Variants in PTPRT observed in about 807,000 individuals in gnomAD.
PTPRT encodes the protein protein tyrosine phosphatase receptor type T.
Under a neutral mutation model 176.8 loss-of-function variants are expected in PTPRT, and 56 were observed. The observed-to-expected ratio is 0.32, with a 90% CI of 0.26 to 0.40. PTPRT has a LOEUF of 0.40. PTPRT is among the 10% of genes least tolerant of loss of function. The probability of loss-of-function intolerance (pLI) is 1.00; values close to 1 mark genes in which losing one functional copy is unlikely to be tolerated. For missense variants in PTPRT, 1,540 were observed against 1,908.2 expected (o/e 0.81, Z 3.60); for synonymous variants, 783 against 739.0 (o/e 1.06, Z -0.96).
At chr20:43,130,071 A>C (rs2013597195) in intron 1 of PTPRT, among the ~76,000 whole-genome samples, 1 of 152,246 alleles carries the variant, frequency 6.6e-6, no homozygotes, top group Non-Finnish European at 1.5e-5. Flanking sequence ...TAAGAGCAGG[A>C]AGAAAAAAAG....
intron 1 of PTPRT, among the ~76,000 whole-genome samples, chr20:42,989,903 C>A (rs1983795832): frequency 1.3e-5 from 2 of 152,348 alleles, no homozygotes; most frequent in Non-Finnish European, 2.9e-5. Context: ...ACAGTCACAT[C>A]CCCTTGGGCT....
rs190806133 is a variant in PTPRT at position 42,854,867 on chromosome 20, A to C, written c.214+30940T>G. Among the ~76,000 whole-genome samples the C allele has an allele frequency of 3.9e-5, 6 of 152,336 alleles. No homozygotes were observed. In the East Asian group the frequency reaches 1.2e-3, roughly 29 times the overall value. On this transcript the variant is annotated intron_variant, in intron 2 of 30. Transcript: ENST00000373187. ...TTATACCAGCACCACCAACAGCAGA[A>C]GCATCTTCAATAAAATTAAGATCTC...
chr20:42,714,251 C>A (rs1018384229), intron 6 of PTPRT, among the ~76,000 whole-genome samples: 5 of 152,142 alleles, frequency 3.3e-5, no homozygotes, highest in Non-Finnish European at 7.3e-5. Context: ...AAAGGCAAGA[C>A]CACATTTTGG....
At chr20:42,527,692 G>T (rs1238871411) in intron 7 of PTPRT, among the ~76,000 whole-genome samples, 2 of 152,138 alleles carry the variant, frequency 1.3e-5, no homozygotes, top group Non-Finnish European at 2.9e-5. Flanking sequence ...AAATGTTGGA[G>T]GCTTTTCACA....
rs906493933 is a variant in PTPRT, at chr20:42,885,741, C to A, written c.214+66G>T. 136 of 1,549,112 alleles carry A rather than the reference C, an allele frequency of 8.8e-5. No individual in the cohort carries two copies. The Admixed American group carries it at 2.3e-3, about 26-fold the overall frequency. On this transcript the variant is annotated intron_variant, in intron 2 of 30. Coordinates refer to ENST00000373187, the MANE Select transcript of PTPRT (RefSeq NM_007050.6). ...GAGCTCAATGTGTAAGTAAGTTCTT[C>A]CCCCCATGATTCACGGTAAAAACTA...
the PTPRT span, among the ~76,000 whole-genome samples, chr20:42,035,654 T>C: frequency 6.6e-6 from 1 of 152,144 alleles, no homozygotes; most frequent in Non-Finnish European, 1.5e-5. Context: ...TAATTATGAT[T>C]GCCACTTTCC....
intron 1 of PTPRT, among the ~76,000 whole-genome samples, chr20:42,886,566 T>C (rs1179471736): frequency 6.6e-6 from 1 of 152,176 alleles, no homozygotes; most frequent in Non-Finnish European, 1.5e-5. Context: ...GAGAATCGAA[T>C]TGGTAAGAAA....
At chr20:42,840,498 C>T (rs140568458) in intron 2 of PTPRT, among the ~76,000 whole-genome samples, 10,080 of 152,056 alleles carry the variant, frequency 0.066, 364 homozygotes, top group East Asian at 0.1. Flanking sequence ...CTGCAACCTC[C>T]GCCTCCTGGG....
In PTPRT at chr20:42,646,882, C is replaced by CTTTTTTTTTTTTT. The variant is rs1161994908; in HGVS notation, c.1153+30971_1153+30983dup. On this transcript the variant is annotated intron_variant, in intron 7 of 30. Coordinates refer to ENST00000373187, the MANE Select transcript of PTPRT (RefSeq NM_007050.6). Reference sequence around the variant, plus strand: ...TCTAGAGATCCCAACCTAAGACAGCCTTTTTTTTTTTTTTTTTTTTTTTTT... The same window carrying CTTTTTTTTTTTTT: ...TCTAGAGATCCCAACCTAAGACAGCCTTTTTTTTTTTTTTTTTTTTTTTTTTTTTTTTTTTTTT... Among the ~76,000 whole-genome samples, 55 of 76,282 alleles carry CTTTTTTTTTTTTT rather than the reference C, an allele frequency of 7.2e-4. 9 individuals are homozygous for CTTTTTTTTTTTTT. Among genetic ancestry groups the CTTTTTTTTTTTTT allele is most frequent in the African/African-American group, 3.9e-3 (52 of 13,366 alleles). 50.0% of individuals were successfully genotyped at this position (76,282 alleles called of 152,430 possible). A position where few individuals can be genotyped will look rare whatever the true frequency, so the allele number is the denominator to read the frequency against.
intron 2 of PTPRT, among the ~76,000 whole-genome samples, chr20:42,804,767 G>T (rs1473265560): frequency 1.3e-5 from 2 of 152,160 alleles, no homozygotes; most frequent in Non-Finnish European, 2.9e-5. Context: ...CATTCCTTGG[G>T]TTGTAGATGT....
intron 9 of PTPRT, among the ~76,000 whole-genome samples, chr20:42,435,882 G>A (rs567348116): frequency 3.9e-5 from 6 of 152,280 alleles, no homozygotes; most frequent in East Asian, 1.9e-4. Context: ...CTGTGAAGCT[G>A]TAATAAATAT....
chr20:42,371,545 AG>A (rs2145600502), intron 9 of PTPRT, among the ~76,000 whole-genome samples: 1 of 152,348 alleles, frequency 6.6e-6, no homozygotes, highest in East Asian at 1.9e-4. Flanking sequence ...CACACACAAA[AG>A]GGCCATGTTG....
At position 43,083,321 on chromosome 20, in the gene PTPRT, T is replaced by TGTATATATATATATATATATAC. The variant is rs1491174501; in HGVS notation, c.88+106324_88+106325insGTATATATATATATATATATAC. Among the ~76,000 whole-genome samples, 61 of 11,422 alleles carry TGTATATATATATATATATATAC rather than the reference T, an allele frequency of 5.3e-3. 3 individuals carry two copies. Among genetic ancestry groups the TGTATATATATATATATATATAC allele is most frequent in the Admixed American group, 8.9e-3 (7 of 784 alleles). The allele number at this position is 11,422 out of a possible 152,430, so 7.5% of individuals were successfully genotyped here. On this transcript the variant is annotated intron_variant, in intron 1 of 30. Transcript: ENST00000373187. ...CCATAAGATTCACCCACTTCAAATGTATATATATATATATATATATATATA... is the reference window on the plus strand; with the variant it reads ...CCATAAGATTCACCCACTTCAAATGTGTATATATATATATATATATACATATATATATATATATATATATATA...
At chr20:42,699,145 C>T (rs1227984739) in intron 6 of PTPRT, among the ~76,000 whole-genome samples, 1 of 152,186 alleles carries the variant, frequency 6.6e-6, no homozygotes, top group Non-Finnish European at 1.5e-5. Context: ...ACTCTATACT[C>T]CCACGGAATC....
At chr20:43,044,336 G>C (rs1428521916) in intron 1 of PTPRT, among the ~76,000 whole-genome samples, 5 of 152,090 alleles carry the variant, frequency 3.3e-5, no homozygotes, top group Non-Finnish European at 5.9e-5. Context: ...GGCTGGTGGT[G>C]ATAGTGTCCG....
intron 1 of PTPRT, among the ~76,000 whole-genome samples, chr20:42,894,120 C>T (rs548233386): frequency 6.6e-6 from 1 of 151,906 alleles, no homozygotes; most frequent in African/African-American, 2.4e-5. Context: ...GAAGGGAAGT[C>T]CAAGGTTGAT....
intron 2 of PTPRT, among the ~76,000 whole-genome samples, chr20:42,852,441 G>GA (rs1467898561): frequency 6.6e-6 from 1 of 152,030 alleles, no homozygotes. Flanking sequence ...ACTGCACATA[G>GA]AAAAAACCTG....
chr20:42,762,962 C>T (rs2076935409), intron 5 of PTPRT, among the ~76,000 whole-genome samples: 1 of 152,148 alleles, frequency 6.6e-6, no homozygotes, highest in Non-Finnish European at 1.5e-5. Context: ...GATAAGTCGG[C>T]TTGGTTTGAG....
At chr20:42,983,640 A>G (rs1983400138) in intron 1 of PTPRT, among the ~76,000 whole-genome samples, 1 of 152,186 alleles carries the variant, frequency 6.6e-6, no homozygotes, top group Admixed American at 6.5e-5. Context: ...TCCTGAGACA[A>G]GTGTAGTCCA....
Sources: gnomAD v4.1 joint callset for allele counts (sites outside exome capture counted in the v4.1 genomes callset) on GRCh38, gnomAD v4.1.1 for gene constraint, MANE v1.5 for transcripts, NCBI Gene and HGNC (gene_info 2026-07-23, HGNC 2026-07-21) for gene names.